The following NCAM1 variants were observed in gnomAD, a reference collection of about 807,000 sequenced individuals.
NCAM1 encodes neural cell adhesion molecule 1.
A neutral mutation model predicts 109.8 loss-of-function variants in NCAM1; 14 were observed. That is an observed-to-expected ratio of 0.13 (90% CI 0.08 to 0.20). The LOEUF (loss-of-function observed/expected upper bound fraction) is 0.20. Among genes scored for constraint, NCAM1 ranks in the 10% least tolerant of loss-of-function variants. The probability of loss-of-function intolerance (pLI) is 1.00; values close to 1 mark genes in which losing one functional copy is unlikely to be tolerated. For synonymous variants in NCAM1, 418 were observed against 442.9 expected, an observed-to-expected ratio of 0.94 and a Z score of 0.70; for missense variants, 774 against 1,109.9, an observed-to-expected ratio of 0.70 and a Z score of 4.30.
intron 8 of NCAM1, among the ~76,000 whole-genome samples, chr11:113,216,830 A>G (rs1944546290): frequency 6.6e-6 from 1 of 152,226 alleles, no homozygotes. Context: ...CGTATTGTCC[A>G]TCTTACACTG....
intron 1 of NCAM1, among the ~76,000 whole-genome samples, chr11:112,976,786 A>G (rs1030174282): frequency 1.3e-5 from 2 of 151,716 alleles, no homozygotes; most frequent in Non-Finnish European, 1.5e-5. Context: ...ATGCAATTTG[A>G]TGTGGTAAGT....
At chr11:113,000,992 T>C (rs1951740633) in intron 1 of NCAM1, among the ~76,000 whole-genome samples, 1 of 152,082 alleles carries the variant, frequency 6.6e-6, no homozygotes, top group Admixed American at 6.5e-5. Context: ...TTTCCATGTC[T>C]TCAATGTAAA....
intron 1 of NCAM1, among the ~76,000 whole-genome samples, chr11:112,990,056 G>T (rs1206671974): frequency 6.6e-6 from 1 of 152,168 alleles, no homozygotes; most frequent in African/African-American, 2.4e-5. Context: ...GGGCCTGTGG[G>T]TGGCCAGCCT....
At chr11:112,979,555 CTT>C (rs1407822870) in intron 1 of NCAM1, among the ~76,000 whole-genome samples, 1 of 151,802 alleles carries the variant, frequency 6.6e-6, no homozygotes, top group African/African-American at 2.4e-5. Context: ...TCCGGTGACT[CTT>C]TTGCAAGTTA....
chr11:113,231,363 C>T (rs1945000227), intron 9 of NCAM1: 4 of 1,427,186 alleles, frequency 2.8e-6, no homozygotes, highest in Non-Finnish European at 3.8e-6. Flanking sequence ...TCTTGGGGGA[C>T]CTAGCCCCAA....
chr11:113,029,918 T>TG (rs1952662414), intron 1 of NCAM1, among the ~76,000 whole-genome samples: 1 of 152,108 alleles, frequency 6.6e-6, no homozygotes, highest in African/African-American at 2.4e-5. Flanking sequence ...TCAGGTATGG[T>TG]GGAAAAAGTG....
chr11:113,122,722 T>C (rs1301514118), intron 1 of NCAM1, among the ~76,000 whole-genome samples: 1 of 152,098 alleles, frequency 6.6e-6, no homozygotes, highest in Non-Finnish European at 1.5e-5. Flanking sequence ...AGGCAGTGGT[T>C]ACAGTGAGCC....
chr11:113,130,984 C>T (rs534305040), intron 1 of NCAM1, among the ~76,000 whole-genome samples: 5 of 152,252 alleles, frequency 3.3e-5, no homozygotes, highest in Non-Finnish European at 5.9e-5. Flanking sequence ...CTACTAGAGA[C>T]CTTTTCTTTT....
At chr11:113,057,937 G>T (rs981051791) in intron 1 of NCAM1, among the ~76,000 whole-genome samples, 1 of 152,134 alleles carries the variant, frequency 6.6e-6, no homozygotes, top group African/African-American at 2.4e-5. Context: ...AGATTTCCTT[G>T]ATTGGAGCTA....
At position 113,202,437 on chromosome 11, in the gene NCAM1, A is replaced by G. The variant is rs1944097246; in HGVS notation, c.111A>G (p.Lys37=). The change falls in exon 2 of 20, where the codon AAA becomes AAG. Residue 37 remains lysine (K), a synonymous_variant. Transcript: ENST00000316851. ...SQGEISVGES[K]FFLCQVAGDA... Reference sequence around the variant, plus strand: ...GGGAGATCAGCGTTGGAGAGTCCAAATTCTTCTTATGCCAAGGCAAGTGCC... The same window carrying G: ...GGGAGATCAGCGTTGGAGAGTCCAAGTTCTTCTTATGCCAAGGCAAGTGCC... The G allele has an allele frequency of 6.2e-7, 1 of 1,610,616 alleles. No homozygotes were observed. The highest frequency in any genetic ancestry group is 8.5e-7 in the Non-Finnish European group (1 of 1,179,118).
chr11:113,128,771 G>A lies in NCAM1; in HGVS notation c.53-73608G>A, dbSNP rs560974523. 2.6e-5 allele frequency among the ~76,000 whole-genome samples: 4 copies of A among 152,282 alleles called. No homozygotes were observed. In the East Asian group the frequency reaches 7.8e-4, roughly 30 times the overall value. On this transcript the variant is annotated intron_variant, in intron 1 of 19. Coordinates refer to ENST00000316851, the MANE Select transcript of NCAM1 (RefSeq NM_181351.5). ...GATTCCAAAGAGGAAGGAATGAGTG[G>A]AGAGATAGGGAGGAGAAGCTGCCAA...
At chr11:113,182,915 C>A (rs1255418696) in intron 1 of NCAM1, among the ~76,000 whole-genome samples, 1 of 152,196 alleles carries the variant, frequency 6.6e-6, no homozygotes, top group Non-Finnish European at 1.5e-5. Context: ...TGGGCCTGGG[C>A]CGCAGATTGG....
chr11:113,205,431 C>G, intron 3 of NCAM1, 92 bp from the exon 4 acceptor site: 1 of 1,478,006 alleles, frequency 6.8e-7, no homozygotes, highest in African/African-American at 1.4e-5. Context: ...GAGACTTGCC[C>G]AGGACTCAAG....
intron 9 of NCAM1, among the ~76,000 whole-genome samples, chr11:113,224,028 C>T (rs1276518970): frequency 6.6e-6 from 1 of 152,230 alleles, no homozygotes; most frequent in Non-Finnish European, 1.5e-5. Flanking sequence ...CGGATGATTT[C>T]TGCATTTCCA....
chr11:113,259,127 C>T (rs909203952), intron 16 of NCAM1, among the ~76,000 whole-genome samples: 19 of 150,312 alleles, frequency 1.3e-4, no homozygotes, highest in Middle Eastern at 3.4e-3. Flanking sequence ...TCTCGGCTCG[C>T]TGCAAGCTCT....
At position 112,963,768 on chromosome 11, in the gene NCAM1, G is replaced by C. The variant is rs1331474294; in HGVS notation, c.52+2104G>C. Among the ~76,000 whole-genome samples the C allele has an allele frequency of 6.6e-6, 1 of 152,160 alleles. No homozygotes were observed. Among genetic ancestry groups the C allele is most frequent in the Non-Finnish European group, 1.5e-5 (1 of 68,018 alleles). ...TCGCCTGGCGGTCCTTTCCATCATC[G>C]TGATGGGTACAGTCATCAGTATTTG... is the stretch of plus-strand genomic sequence containing the variant. On this transcript the variant is annotated intron_variant, in intron 1 of 19. Coordinates refer to ENST00000316851, the MANE Select transcript of NCAM1 (RefSeq NM_181351.5). This position sits in a 1 kb window ranked among gnomAD's most constrained non-coding sequence, Gnocchi z 4.6.
Position 113,273,801 on chromosome 11 carries a change from A to G in NCAM1, c.2457-1466A>G, listed in dbSNP as rs1555126021. On this transcript the variant is annotated intron_variant, in intron 19 of 19. Coordinates refer to ENST00000316851, the MANE Select transcript of NCAM1 (RefSeq NM_181351.5). The surrounding 1 kb of genome is among the most constrained non-coding windows in gnomAD (Gnocchi z 6.0). Reference sequence around the variant, plus strand: ...CGGGTTGTGTCCTGTGGTGGTGTGCATTTGTGCTGTGCTGTGTCCTCCTTG... The same window carrying G: ...CGGGTTGTGTCCTGTGGTGGTGTGCGTTTGTGCTGTGCTGTGTCCTCCTTG... 1 of 376,006 alleles carries G rather than the reference A, an allele frequency of 2.7e-6. No individual in the cohort carries two copies. The highest frequency in any genetic ancestry group is 2.1e-5 in the African/African-American group (1 of 47,390). The allele number at this position is 376,006 out of a possible 1,614,324, so 23.3% of individuals were successfully genotyped here. A position where few individuals can be genotyped will look rare whatever the true frequency, so the allele number is the denominator to read the frequency against.
At chr11:113,072,539 A>G (rs1408163445) in intron 1 of NCAM1, among the ~76,000 whole-genome samples, 1 of 152,164 alleles carries the variant, frequency 6.6e-6, no homozygotes, top group African/African-American at 2.4e-5. Flanking sequence ...TTGTTGAATT[A>G]TGTCGTTTCA....
intron 14 of NCAM1, among the ~76,000 whole-genome samples, chr11:113,245,367 G>A (rs548594494): frequency 2.0e-5 from 3 of 152,316 alleles, no homozygotes; most frequent in East Asian, 3.9e-4. Flanking sequence ...GCTTGAGCCC[G>A]GGAGGTCAAG....
Sources: allele counts gnomAD v4.1 joint callset (sites outside exome capture counted in the v4.1 genomes callset), GRCh38; gene constraint gnomAD v4.1.1; non-coding constraint Gnocchi (gnomAD v3.1); transcripts MANE v1.5; gene names NCBI Gene and HGNC (gene_info 2026-07-23, HGNC 2026-07-21).